The following GNAQ variants were observed in gnomAD, a reference collection of about 807,000 sequenced individuals.
The protein encoded by GNAQ is guanine nucleotide-binding protein G(q) subunit alpha.
Under a neutral mutation model 43.9 loss-of-function variants are expected in GNAQ, and 8 were observed. That is an observed-to-expected ratio of 0.18 (90% CI 0.11 to 0.33). GNAQ has a LOEUF of 0.33. Ranked by LOEUF, GNAQ falls within the 10% of genes least tolerant of loss-of-function variation. GNAQ has a pLI of 1.00. For synonymous variants in GNAQ, 155 were observed against 170.7 expected, an observed-to-expected ratio of 0.91 and a Z score of 0.71; for missense variants, 158 against 450.8, an observed-to-expected ratio of 0.35 and a Z score of 5.88.
chr9:77,999,340 A>G (rs577044413), intron 1 of GNAQ, among the ~76,000 whole-genome samples: 1 of 152,316 alleles, frequency 6.6e-6, no homozygotes, highest in Non-Finnish European at 1.5e-5. Context: ...TGAAATAGAA[A>G]GCAAATTTTT....
chr9:77,850,219 C>A (rs1307302186), intron 2 of GNAQ, among the ~76,000 whole-genome samples: 1 of 152,228 alleles, frequency 6.6e-6, no homozygotes, highest in Non-Finnish European at 1.5e-5. Context: ...TGGTTTTCTT[C>A]TCATTTATCT....
intron 2 of GNAQ, among the ~76,000 whole-genome samples, chr9:77,883,643 G>C (rs4744854): frequency 0.53 from 78,825 of 149,880 alleles, 22,334 homozygotes; most frequent in Non-Finnish European, 0.63. Context: ...CCTTGCCCCC[G>C]CCCCCACTCT....
chr9:77,807,153 C>CAT (rs1826841940), intron 3 of GNAQ, among the ~76,000 whole-genome samples: 2 of 152,058 alleles, frequency 1.3e-5, no homozygotes, highest in Admixed American at 1.3e-4. Context: ...AGACTTTAAC[C>CAT]TGATAATGAA....
intron 5 of GNAQ, among the ~76,000 whole-genome samples, chr9:77,755,086 G>A (rs1319855814): frequency 6.6e-6 from 1 of 152,140 alleles, no homozygotes; most frequent in African/African-American, 2.4e-5. Context: ...GCAACAACAT[G>A]GATGGAACTG....
chr9:77,749,768 A>G (rs972377020), intron 5 of GNAQ, among the ~76,000 whole-genome samples: 1 of 152,202 alleles, frequency 6.6e-6, no homozygotes, highest in Admixed American at 6.5e-5. Flanking sequence ...CATTTCATGA[A>G]ACCATACTTT....
At chr9:77,985,833 C>A (rs1823428360) in intron 1 of GNAQ, among the ~76,000 whole-genome samples, 1 of 152,118 alleles carries the variant, frequency 6.6e-6, no homozygotes, top group Non-Finnish European at 1.5e-5. Context: ...GGTGATCCAC[C>A]CGCTTCAGCC....
chr9:77,840,419 C>G (rs1426405180), intron 2 of GNAQ, among the ~76,000 whole-genome samples: 1 of 151,624 alleles, frequency 6.6e-6, no homozygotes, highest in Non-Finnish European at 1.5e-5. Flanking sequence ...TCACTGTAAC[C>G]TCTGTCTCCC....
intron 5 of GNAQ, among the ~76,000 whole-genome samples, chr9:77,763,141 CAAA>C (rs34812363): frequency 5.5e-4 from 36 of 64,890 alleles, no homozygotes; most frequent in African/African-American, 1.2e-3. Context: ...AACAAACAAA[CAAA>C]AAAAAAAAAA....
At chr9:77,892,128 T>A (rs1045778139) in intron 2 of GNAQ, among the ~76,000 whole-genome samples, 1 of 152,194 alleles carries the variant, frequency 6.6e-6, no homozygotes, top group Non-Finnish European at 1.5e-5. Flanking sequence ...TGTCCTTCTA[T>A]GGCATCTAGG....
intron 1 of GNAQ, among the ~76,000 whole-genome samples, chr9:78,013,821 C>G (rs909851495): frequency 6.6e-6 from 1 of 152,082 alleles, no homozygotes; most frequent in Non-Finnish European, 1.5e-5. Context: ...TGTATTTGAA[C>G]ATAGCCATAC....
intron 2 of GNAQ, among the ~76,000 whole-genome samples, chr9:77,871,411 T>G (rs925135823): frequency 2.6e-5 from 4 of 152,120 alleles, no homozygotes; most frequent in Non-Finnish European, 4.4e-5. Flanking sequence ...AATACAGAGC[T>G]GAGAAAGGTG....
intron 1 of GNAQ, among the ~76,000 whole-genome samples, chr9:78,000,758 C>T (rs970168086): frequency 1.3e-5 from 2 of 152,146 alleles, no homozygotes; most frequent in African/African-American, 4.8e-5. Context: ...AGGATACTAG[C>T]AAGTTCTTAC....
chr9:77,834,019 G>C (rs1468027358), intron 2 of GNAQ, among the ~76,000 whole-genome samples: 1 of 152,098 alleles, frequency 6.6e-6, no homozygotes, highest in East Asian at 1.9e-4. Context: ...TAATCATACA[G>C]CTAGAAATTG....
intron 1 of GNAQ, among the ~76,000 whole-genome samples, chr9:78,012,453 C>T (rs926264893): frequency 1.3e-5 from 2 of 151,956 alleles, no homozygotes; most frequent in Non-Finnish European, 2.9e-5. Flanking sequence ...GTAATCCACC[C>T]GCCTTGGCCT....
At chr9:77,873,766 T>C (rs908442076) in intron 2 of GNAQ, among the ~76,000 whole-genome samples, 2 of 152,214 alleles carry the variant, frequency 1.3e-5, no homozygotes, top group Non-Finnish European at 2.9e-5. Flanking sequence ...ATGAAACACC[T>C]ATTGCATTTG....
At chr9:77,878,225 G>GTTT (rs373943232) in intron 2 of GNAQ, among the ~76,000 whole-genome samples, 2 of 126,292 alleles carry the variant, frequency 1.6e-5, no homozygotes, top group African/African-American at 5.6e-5. Context: ...GGTATTTGGT[G>GTTT]TTTTTTTTTT....
chr9:77,988,781 A>G (rs1478423986), intron 1 of GNAQ, among the ~76,000 whole-genome samples: 1 of 152,196 alleles, frequency 6.6e-6, no homozygotes, highest in Non-Finnish European at 1.5e-5. Flanking sequence ...CTAATTTACT[A>G]ATCTCAATTG....
chr9:77,738,098 G>A (rs1825599863), intron 5 of GNAQ, among the ~76,000 whole-genome samples: 1 of 152,226 alleles, frequency 6.6e-6, no homozygotes, highest in Non-Finnish European at 1.5e-5. Flanking sequence ...GTGAAGAACA[G>A]TAAACAGAGG....
intron 1 of GNAQ, among the ~76,000 whole-genome samples, chr9:77,953,740 T>A (rs891779856): frequency 1.3e-5 from 2 of 152,178 alleles, no homozygotes; most frequent in Non-Finnish European, 2.9e-5. Flanking sequence ...TCTGCCAGTG[T>A]TTGAACAGAT....
Sources: allele counts gnomAD v4.1 joint callset (sites outside exome capture counted in the v4.1 genomes callset), GRCh38; gene constraint gnomAD v4.1.1; transcripts MANE v1.5; gene names NCBI Gene and HGNC (gene_info 2026-07-23, HGNC 2026-07-21).